MICAL2: variants seen among roughly 807,000 people sequenced by gnomAD.
MICAL2 encodes the protein microtubule associated monooxygenase, calponin and LIM domain containing 2.
In MICAL2, 77 loss-of-function variants were observed where a neutral mutation model predicts 127.3. The ratio of observed to expected loss-of-function variants is 0.60; its 90% CI spans 0.50 to 0.73. The LOEUF is 0.73. Among genes scored for constraint, MICAL2 ranks in the 30% least tolerant of loss-of-function variants. The pLI, the probability that MICAL2 is intolerant of heterozygous loss-of-function variation, is 0.00. For synonymous variants in MICAL2, 570 were observed against 551.1 expected (o/e 1.03, Z -0.48); for missense variants, 1,351 against 1,434.4 (o/e 0.94, Z 0.94).
rs116642651 is a variant in MICAL2, at chr11:12,333,049, C to A, written c.5515+5783C>A. On this transcript the variant is annotated intron_variant, in intron 32 of 34. Coordinates refer to the MICAL2 transcript ENST00000646065. ...AGGAAGTCCATGGCCTCATTGCAAG[C>A]CAAATATTGAACAAACGTATTAATG... Among the ~76,000 whole-genome samples, 1,153 of 152,126 alleles carry A rather than the reference C, an allele frequency of 7.6e-3. 24 individuals are homozygous for A. The highest frequency in any genetic ancestry group is 0.027 in the African/African-American group (1,100 of 41,496).
chr11:12,234,350 T>C (rs1858731410), intron 15 of MICAL2, among the ~76,000 whole-genome samples: 1 of 152,036 alleles, frequency 6.6e-6, no homozygotes, highest in South Asian at 2.1e-4. Context: ...TGAAGCATTC[T>C]TGTTGGGTAG....
chr11:12,114,293 G>C (rs371310615), intron 1 of MICAL2, among the ~76,000 whole-genome samples: 1 of 152,148 alleles, frequency 6.6e-6, no homozygotes, highest in Non-Finnish European at 1.5e-5. Context: ...TAAAAAGGAC[G>C]TTGTCTTGCA....
At chr11:12,334,361 G>T (rs1035296654) in intron 32 of MICAL2, among the ~76,000 whole-genome samples, 1 of 152,102 alleles carries the variant, frequency 6.6e-6, no homozygotes, top group African/African-American at 2.4e-5. Flanking sequence ...ATGTTGTTTA[G>T]GGAATAATGA....
intron 3 of MICAL2, among the ~76,000 whole-genome samples, chr11:12,199,740 C>G (rs915507366): frequency 4.6e-5 from 7 of 152,162 alleles, no homozygotes; most frequent in Admixed American, 4.6e-4. Flanking sequence ...TCACCATCCC[C>G]CCATCCTGAC....
At chr11:12,213,542 A>AT in intron 7 of MICAL2, 132 bp downstream of exon 7, 1 of 851,440 alleles carries the variant, frequency 1.2e-6, no homozygotes, top group Non-Finnish European at 1.8e-6. Context: ...GGAAGCAATG[A>AT]TTTTCCCTAG....
At chr11:12,358,323 C>T (rs761495736) in exon 35 of MICAL2, 12 of 1,612,656 alleles carry the variant, frequency 7.4e-6, no homozygotes, top group African/African-American at 4.0e-5. Flanking sequence ...AGGATCTAAA[C>T]GAAGAGCAAG....
At chr11:12,122,576 T>G (rs1310440945) in intron 1 of MICAL2, among the ~76,000 whole-genome samples, 1 of 152,164 alleles carries the variant, frequency 6.6e-6, no homozygotes, top group African/African-American at 2.4e-5. Context: ...GCCTGGCTAA[T>G]TTTTGTATTT....
intron 2 of MICAL2, among the ~76,000 whole-genome samples, chr11:12,144,086 T>C (rs1852634982): frequency 6.6e-6 from 1 of 152,190 alleles, no homozygotes; most frequent in Non-Finnish European, 1.5e-5. Flanking sequence ...AATTGTCTTC[T>C]ATGGAGAGGA....
intron 3 of MICAL2, among the ~76,000 whole-genome samples, chr11:12,192,782 AAT>A (rs1175860740): frequency 1.3e-5 from 2 of 152,128 alleles, no homozygotes; most frequent in Non-Finnish European, 2.9e-5. Flanking sequence ...AGTCTTAAAA[AAT>A]AAAATAAAGG....
At chr11:12,359,005 A>T (rs942130728), downstream of MICAL2, 6 of 152,934 alleles carry the variant, frequency 3.9e-5, no homozygotes, top group African/African-American at 1.4e-4. Flanking sequence ...TACTGATTAC[A>T]TAAAGCAAAT....
intron 29 of MICAL2, among the ~76,000 whole-genome samples, chr11:12,318,774 T>G (rs1289938491): frequency 6.6e-6 from 1 of 152,196 alleles, no homozygotes; most frequent in Non-Finnish European, 1.5e-5. Context: ...GGGCAGATGT[T>G]CTTGCTGAGA....
intron 32 of MICAL2, among the ~76,000 whole-genome samples, chr11:12,344,480 A>T (rs1429937555): frequency 7.4e-6 from 1 of 134,756 alleles, no homozygotes; most frequent in African/African-American, 3.2e-5. Context: ...AACTATTATT[A>T]TTATTATTAT....
Position 12,175,806 on chromosome 11 carries a change from C to G in MICAL2, c.264+13387C>G, listed in dbSNP as rs2133909732. ...CAAAGGAGCAGCAGGTACAGAGGTG[C>G]TGACGCAAGTGTGCTCAGGATGTTG... On this transcript the variant is annotated intron_variant, in intron 3 of 27. Coordinates refer to ENST00000683283, the MANE Select transcript of MICAL2 (RefSeq NM_001282663.2). Among the ~76,000 whole-genome samples, 4 of 152,180 alleles carry G rather than the reference C, an allele frequency of 2.6e-5. No homozygotes were observed. The South Asian group carries it at 8.3e-4, about 32-fold the overall frequency.
At chr11:12,289,381 A>G (rs981924493), downstream of MICAL2, among the ~76,000 whole-genome samples, 1 of 152,170 alleles carries the variant, frequency 6.6e-6, no homozygotes, top group Non-Finnish European at 1.5e-5. Flanking sequence ...TTGGCTCAAG[A>G]GTTGGAGAAA....
intron 4 of MICAL2, among the ~76,000 whole-genome samples, chr11:12,206,568 T>G (rs1416265022): frequency 1.3e-5 from 2 of 152,130 alleles, no homozygotes; most frequent in Admixed American, 6.5e-5. Flanking sequence ...TTAAGCTGAT[T>G]GGCTTTGGAT....
At chr11:12,245,694 G>C (rs1860636922) in intron 21 of MICAL2, among the ~76,000 whole-genome samples, 1 of 152,248 alleles carries the variant, frequency 6.6e-6, no homozygotes, top group African/African-American at 2.4e-5. Flanking sequence ...TGACCTGTCT[G>C]GGCCTCCTCC....
intron 4 of MICAL2, among the ~76,000 whole-genome samples, chr11:12,206,450 A>G (rs1854695699): frequency 6.6e-6 from 1 of 152,174 alleles, no homozygotes; most frequent in Admixed American, 6.5e-5. Context: ...GAATTTATTG[A>G]GCACCTACTG....
chr11:12,248,750 G>GACCTGGTAGGAGGATAAATCTCGGGGAC (rs1555003955), intron 21 of MICAL2, among the ~76,000 whole-genome samples: 22 of 149,770 alleles, frequency 1.5e-4, no homozygotes, highest in Admixed American at 1.3e-3. Flanking sequence ...GCCTTTGTTT[G>GACCTGGTAGGAGGATAAATCTCGGGGAC]ACCTGGTAGG....
intron 16 of MICAL2, among the ~76,000 whole-genome samples, 197 bp from the exon 17 acceptor site, chr11:12,239,239 C>G (rs962574525): frequency 6.6e-6 from 1 of 152,188 alleles, no homozygotes; most frequent in Non-Finnish European, 1.5e-5. Context: ...CTAGCTGTGC[C>G]CATCCTTTGG....
Sources: gnomAD v4.1 joint callset for allele counts (sites outside exome capture counted in the v4.1 genomes callset) on GRCh38, gnomAD v4.1.1 for gene constraint, MANE v1.5 for transcripts, NCBI Gene and HGNC (gene_info 2026-07-23, HGNC 2026-07-21) for gene names.